Variants in PRPF3 observed in about 807,000 individuals in gnomAD.
PRPF3 encodes the protein U4/U6 small nuclear ribonucleoprotein Prp3.
A neutral mutation model predicts 89.2 loss-of-function variants in PRPF3; 3 were observed. The ratio of observed to expected loss-of-function variants is 0.03; its 90% CI spans 0.02 to 0.09. The LOEUF (loss-of-function observed/expected upper bound fraction) is 0.09, where lower values mean the gene tolerates loss of function less well. PRPF3 is among the 10% of genes least tolerant of loss of function. PRPF3 has a pLI of 1.00. For missense variants in PRPF3, 463 were observed against 828.8 expected (o/e 0.56, Z 5.42); for synonymous variants, 270 against 289.1 (o/e 0.93, Z 0.67).
chr1:150,329,697 C>T (rs1352997002), intron 4 of PRPF3: 1 of 151,920 alleles, frequency 6.6e-6, no homozygotes, highest in Non-Finnish European at 1.5e-5. Flanking sequence ...GGTAATAGAA[C>T]ATATACAGAA....
chr1:150,341,332 G>A (rs191566233), intron 9 of PRPF3, among the ~76,000 whole-genome samples: 3 of 151,754 alleles, frequency 2.0e-5, no homozygotes, highest in East Asian at 1.9e-4. Context: ...CCCACTGTGA[G>A]GGATGCTAAT....
At chr1:150,340,625 G>C in intron 9 of PRPF3, 148 bp downstream of exon 9, 2 of 712,020 alleles carry the variant, frequency 2.8e-6, no homozygotes, top group Non-Finnish European at 2.5e-6. Context: ...TTTTTTTCCT[G>C]ACAATAGTTT....
chr1:150,347,620 C>T (rs1037353448), intron 14 of PRPF3, among the ~76,000 whole-genome samples: 5 of 151,510 alleles, frequency 3.3e-5, no homozygotes, highest in Non-Finnish European at 7.4e-5. Context: ...CCCAGCTACT[C>T]GGGAGGCTGA....
intron 3 of PRPF3, among the ~76,000 whole-genome samples, chr1:150,327,016 A>G (rs2101950012): frequency 6.6e-6 from 1 of 151,540 alleles, no homozygotes; most frequent in African/African-American, 2.4e-5. Context: ...CACAGTATAC[A>G]CAGATCTGTA....
chr1:150,351,046 T>G (rs1776265), intron 15 of PRPF3, among the ~76,000 whole-genome samples: 1 of 151,728 alleles, frequency 6.6e-6, no homozygotes, highest in Admixed American at 6.6e-5. Context: ...GTGGGCGGAT[T>G]ACGAGGTCAG....
rs587664301 is a variant in PRPF3, at chr1:150,332,166, G to C, written c.424-518G>C. ...ATGAACCCGGGAGGCAGAGCTTGCA[G>C]TGAGCCAAGATCGCACCACTGCACT... is the stretch of plus-strand genomic sequence containing the variant. On this transcript the variant is annotated intron_variant, in intron 4 of 15. Coordinates refer to ENST00000324862, the MANE Select transcript of PRPF3 (RefSeq NM_004698.4). Among the ~76,000 whole-genome samples, 374 of 151,938 alleles carry C rather than the reference G, an allele frequency of 2.5e-3. 1 individual carries two copies. The highest frequency in any genetic ancestry group is 4.1e-3 in the Non-Finnish European group (279 of 67,978).
At chr1:150,333,470 G>A (rs1656635013) in intron 6 of PRPF3, among the ~76,000 whole-genome samples, 1 of 152,172 alleles carries the variant, frequency 6.6e-6, no homozygotes, top group Admixed American at 6.5e-5. Flanking sequence ...GGGAGGCTGA[G>A]GCAGGAGAAT....
intron 9 of PRPF3, among the ~76,000 whole-genome samples, chr1:150,342,527 T>C (rs201026549): frequency 1.0e-3 from 150 of 144,730 alleles, no homozygotes; most frequent in Non-Finnish European, 5.6e-4. Flanking sequence ...CACACACACA[T>C]GTTTTTTGAA....
chr1:150,351,506 A>G (rs1486155275), intron 15 of PRPF3, among the ~76,000 whole-genome samples: 1 of 150,928 alleles, frequency 6.6e-6, no homozygotes, highest in African/African-American at 2.4e-5. Flanking sequence ...TTTTTAATCA[A>G]CTTTTTTTTT....
chr1:150,323,012 T>A (rs957542028), intron 1 of PRPF3, among the ~76,000 whole-genome samples: 1 of 151,540 alleles, frequency 6.6e-6, no homozygotes, highest in African/African-American at 2.4e-5. Context: ...GTAGCTGGGA[T>A]TACAGGTGCA....
chr1:150,341,732 C>T (rs1364090505), intron 9 of PRPF3, among the ~76,000 whole-genome samples: 2 of 133,468 alleles, frequency 1.5e-5, no homozygotes, highest in Non-Finnish European at 3.1e-5. Context: ...GTTGGAGTTT[C>T]GCTTTTGTCA....
chr1:150,350,075 T>C (rs947204033), intron 15 of PRPF3, among the ~76,000 whole-genome samples: 1 of 152,088 alleles, frequency 6.6e-6, no homozygotes, highest in African/African-American at 2.4e-5. Flanking sequence ...TTTGTATTTA[T>C]AGTAGAGACA....
At chr1:150,346,542 T>C (rs1658286259) in intron 14 of PRPF3, 51 bp downstream of exon 14, 1 of 1,504,370 alleles carries the variant, frequency 6.6e-7, no homozygotes, top group African/African-American at 1.4e-5. Flanking sequence ...GAGGTGGGGA[T>C]GGTGCATCTG....
Position 150,346,317 on chromosome 1 carries a change from T to C in PRPF3, c.1760-91T>C, listed in dbSNP as rs1658266996. ...CCTAAGATGTGGTTCCTGAGATTGC[T>C]TCAACTACCACATTAATGTCTGAGC... is the stretch of plus-strand genomic sequence containing the variant. On this transcript the variant is annotated intron_variant, in intron 13 of 15. Coordinates refer to ENST00000324862, the MANE Select transcript of PRPF3 (RefSeq NM_004698.4). 15 of 1,389,202 alleles carry C rather than the reference T, an allele frequency of 1.1e-5. No individual in the cohort carries two copies. The Admixed American group carries it at 2.6e-4, about 24-fold the overall frequency. 86.1% of individuals were successfully genotyped at this position (1,389,202 alleles called of 1,614,324 possible).
chr1:150,325,180 TA>T, intron 2 of PRPF3, 93 bp downstream of exon 2: 5 of 1,451,128 alleles, frequency 3.4e-6, no homozygotes, highest in Admixed American at 4.0e-5. Flanking sequence ...TGGGAACATC[TA>T]AAAAAATGGC....
chr1:150,340,104 G>A (rs1657530267), intron 8 of PRPF3, among the ~76,000 whole-genome samples: 1 of 152,002 alleles, frequency 6.6e-6, no homozygotes, highest in African/African-American at 2.4e-5. Flanking sequence ...ACTGTTCCAG[G>A]GACTTATTGT....
At chr1:150,323,258 C>T (rs1655301950) in intron 1 of PRPF3, among the ~76,000 whole-genome samples, 1 of 146,076 alleles carries the variant, frequency 6.8e-6, no homozygotes, top group East Asian at 2.0e-4. Context: ...CTCACCGCAA[C>T]CTCCGCCTCC....
intron 3 of PRPF3, among the ~76,000 whole-genome samples, chr1:150,327,200 T>C (rs1457088806): frequency 1.3e-5 from 2 of 152,008 alleles, no homozygotes; most frequent in Non-Finnish European, 2.9e-5. Flanking sequence ...CCTGAGTAGC[T>C]GGGATTACAG....
Position 150,325,097 on chromosome 1 carries a change from T to C in PRPF3, c.145+10T>C, listed in dbSNP as rs1655554445. ...AAGAAGAAGGCAGCCGGTATGTACC[T>C]TTCTGCATCTTTTATCTTAACATAT... On this transcript the variant is annotated intron_variant, in intron 2 of 15. Transcript: ENST00000324862. 2.5e-6 allele frequency: 4 copies of C among 1,612,532 alleles called. No homozygotes were observed. Among genetic ancestry groups the C allele is most frequent in the Non-Finnish European group, 2.5e-6 (3 of 1,179,052 alleles).
Sources: allele counts gnomAD v4.1 joint callset (sites outside exome capture counted in the v4.1 genomes callset), GRCh38; gene constraint gnomAD v4.1.1; transcripts MANE v1.5; gene names NCBI Gene and HGNC (gene_info 2026-07-23, HGNC 2026-07-21).